The following VWF variants were observed in gnomAD, a reference collection of about 807,000 sequenced individuals.
The protein encoded by VWF is Factor VIII related antigen.
In VWF, 176 loss-of-function variants were observed where a neutral mutation model predicts 308.6. The observed-to-expected ratio is 0.57, with a 90% CI of 0.50 to 0.65. The LOEUF is 0.65. Among genes scored for constraint, VWF ranks in the 30% least tolerant of loss-of-function variants. The probability of loss-of-function intolerance (pLI) is 0.00; values close to 1 mark genes in which losing one functional copy is unlikely to be tolerated. For missense variants in VWF, 3,146 were observed against 3,648.2 expected (o/e 0.86, Z 3.55); for synonymous variants, 1,385 against 1,443.4 (o/e 0.96, Z 0.92).
chr12:5,974,618 G>A lies in VWF; in HGVS notation c.7437+1493C>T, dbSNP rs192771225. Reference sequence around the variant, plus strand: ...ACACAAAGACCAACTAAGTCAGACTGGACAGGGATGAACCACGGATCTGAA... The same window carrying A: ...ACACAAAGACCAACTAAGTCAGACTAGACAGGGATGAACCACGGATCTGAA... On this transcript the variant is annotated intron_variant, in intron 43 of 51. Coordinates refer to ENST00000261405, the MANE Select transcript of VWF (RefSeq NM_000552.5). 6.6e-5 allele frequency among the ~76,000 whole-genome samples: 10 copies of A among 152,296 alleles called. 1 individual carries two copies. Among genetic ancestry groups the A allele is most frequent in the Non-Finnish European group, 1.3e-4 (9 of 68,024 alleles).
In VWF at chr12:5,964,094, G is replaced by A. The variant is rs568612808; in HGVS notation, c.7887+3392C>T. 2.6e-5 allele frequency among the ~76,000 whole-genome samples: 4 copies of A among 152,098 alleles called. No homozygotes were observed. The East Asian group carries it at 7.8e-4, about 30-fold the overall frequency. ...TAGCTGGGCATGGCGGTGGGCGCCT[G>A]TAGTCCCAGCTACTCAGGAGGCTGA... On this transcript the variant is annotated intron_variant, in intron 47 of 51. Transcript: ENST00000261405.
intron 38 of VWF, among the ~76,000 whole-genome samples, chr12:5,990,994 C>T (rs1186326794): frequency 6.7e-6 from 1 of 149,518 alleles, no homozygotes; most frequent in African/African-American, 2.5e-5. Flanking sequence ...AGAGCCAGAT[C>T]TTTGGAGTCA....
In VWF at chr12:5,981,977, C is replaced by T. The variant is rs763471709; in HGVS notation, c.7096G>A (p.Glu2366Lys). ...PNFTCACRKE[E>K]CKRVSPPSCP... ...GAGGGTGGGGACACTCTTTTGCACT[C>T]CTCCTTCCTGCAGGCTGAGGGTAGG... The change falls in exon 42 of 52, where the codon GAG becomes AAG. Residue 2366 changes from glutamate (E) to lysine (K), a missense_variant. Coordinates refer to ENST00000261405, the MANE Select transcript of VWF (RefSeq NM_000552.5). The T allele has an allele frequency of 1.2e-6, 2 of 1,613,722 alleles. No homozygotes were observed. Among genetic ancestry groups the T allele is most frequent in the Non-Finnish European group, 1.7e-6 (2 of 1,179,986 alleles).
intron 13 of VWF, 56 bp downstream of exon 13, chr12:6,062,898 G>C (rs895024743): frequency 7.9e-5 from 113 of 1,427,384 alleles, no homozygotes; most frequent in Admixed American, 2.5e-4. Flanking sequence ...CAGAGCACAA[G>C]GGGTACTTTG....
At chr12:6,062,773 G>A (rs985551907) in intron 13 of VWF, among the ~76,000 whole-genome samples, 181 bp downstream of exon 13, 5 of 152,136 alleles carry the variant, frequency 3.3e-5, no homozygotes, top group Non-Finnish European at 7.4e-5. Context: ...GCCAAGAAGG[G>A]GCATCCAGAA....
chr12:6,044,401 C>A lies in VWF; in HGVS notation c.2332G>T (p.Ala778Ser), dbSNP rs146892641. 1 of 1,614,174 alleles carries A rather than the reference C, an allele frequency of 6.2e-7. No individual in the cohort carries two copies. The highest frequency in any genetic ancestry group is 1.1e-5 in the South Asian group (1 of 91,074). The stretch of plus-strand genomic sequence containing the variant: ...AGCCCTTCAGCCCGCAGGTTGTCAG[C>A]GGGACACACCAGCTTGACCATGGGG... The part of the protein sequence containing the change: ...RPPMVKLVCP[A>S]DNLRAEGLEC... The change falls in exon 18 of 52, where the codon GCT becomes TCT. Residue 778 changes from alanine (A) to serine (S), a missense_variant. By Grantham distance (99) the Ala-to-Ser change is moderately conservative. This residue lies in a region of VWF where 1,304 missense variants were observed against 1,353.0 expected (regional missense o/e 0.96). Coordinates refer to ENST00000261405, the MANE Select transcript of VWF (RefSeq NM_000552.5).
intron 5 of VWF, 134 bp downstream of exon 5, chr12:6,110,240 G>T: frequency 1.0e-6 from 1 of 954,736 alleles, no homozygotes; most frequent in Non-Finnish European, 1.7e-6. Flanking sequence ...AAAGAGATAA[G>T]GTTGGCAACA....
At chr12:6,005,835 A>AC (rs1316776073) in intron 34 of VWF, among the ~76,000 whole-genome samples, 1 of 152,224 alleles carries the variant, frequency 6.6e-6, no homozygotes, top group African/African-American at 2.4e-5. Context: ...GTTCATCACC[A>AC]CTATACCTGC....
chr12:6,025,597 G>C lies in VWF; in HGVS notation c.3205C>G (p.Gln1069Glu), dbSNP rs1944181092. ...SCRILTSDVFQDCNKLVDPEP... is the reference protein window; with the variant it reads ...SCRILTSDVFEDCNKLVDPEP... Reference sequence around the variant, plus strand: ...GTCCTCACCAGCTTGTTGCAGTCCTGGAAGACGTCACTGGTAAGGATTCTA... The same window carrying C: ...GTCCTCACCAGCTTGTTGCAGTCCTCGAAGACGTCACTGGTAAGGATTCTA... Residue 1069 changes from glutamine to glutamate, a missense_variant, in exon 24 of 52, where the codon CAG becomes GAG. Physicochemically the swap from Gln to Glu is conservative, Grantham distance 29. Transcript: ENST00000261405. 1 of 1,477,828 alleles carries C rather than the reference G, an allele frequency of 6.8e-7. No homozygotes were observed. The highest frequency in any genetic ancestry group is 1.1e-5 in the South Asian group (1 of 88,052). 91.5% of individuals were successfully genotyped at this position (1,477,828 alleles called of 1,614,324 possible). A position where few individuals can be genotyped will look rare whatever the true frequency, so the allele number is the denominator to read the frequency against.
Position 6,019,329 on chromosome 12 carries a change from G to A in VWF, c.4089C>T (p.Tyr1363=). 5 of 1,613,956 alleles carry A rather than the reference G, an allele frequency of 3.1e-6. No homozygotes were observed. Among genetic ancestry groups the A allele is most frequent in the Non-Finnish European group, 4.2e-6 (5 of 1,179,866 alleles). ...QVASTSEVLK[Y]TLFQIFSKID... ...TCTTGCTGAAGATTTGGAACAGTGT[G>A]TATTTCAAGACCTCGCTGGTGGAGG... The change falls in exon 28 of 52, where the codon TAC becomes TAT. Residue 1363 remains tyrosine, a synonymous_variant. Coordinates refer to ENST00000261405, the MANE Select transcript of VWF (RefSeq NM_000552.5). The surrounding 1 kb of genome is among the most constrained non-coding windows in gnomAD (Gnocchi z 5.8).
intron 6 of VWF, among the ~76,000 whole-genome samples, chr12:6,083,101 T>C (rs1288574125): frequency 6.6e-6 from 1 of 152,172 alleles, no homozygotes; most frequent in East Asian, 1.9e-4. Flanking sequence ...CCTCTGCCTC[T>C]CGCAACCCAT....
At chr12:5,970,263 G>C (rs921904626) in intron 44 of VWF, among the ~76,000 whole-genome samples, 2 of 151,994 alleles carry the variant, frequency 1.3e-5, no homozygotes, top group Non-Finnish European at 2.9e-5. Context: ...ACCACCCCCC[G>C]CTGACCCCTG....
chr12:6,053,256 C>T (rs1944539551), intron 15 of VWF, among the ~76,000 whole-genome samples: 1 of 152,174 alleles, frequency 6.6e-6, no homozygotes, highest in Admixed American at 6.5e-5. Flanking sequence ...TATGGAGCAC[C>T]TACTGAATGC....
rs778923778 is a variant in VWF, at chr12:6,013,593, T to C, written c.5508A>G (p.Leu1836=). Residue 1836 remains leucine (L), a synonymous_variant, in exon 32 of 52, where the codon CTA becomes CTG. Coordinates refer to ENST00000261405, the MANE Select transcript of VWF (RefSeq NM_000552.5). Reference sequence around the variant, plus strand: ...CGCCTGCTGGGCCTGCCAAGATCCGTAGCTGGGCTGCATCGTAGCGATCTC... The same window carrying C: ...CGCCTGCTGGGCCTGCCAAGATCCGCAGCTGGGCTGCATCGTAGCGATCTC... The part of the protein sequence containing the change: ...GIGDRYDAAQ[L]RILAGPAGDS... 1.2e-6 allele frequency: 2 copies of C among 1,613,928 alleles called. No homozygotes were observed. The highest frequency in any genetic ancestry group is 1.7e-6 in the Non-Finnish European group (2 of 1,179,930).
intron 42 of VWF, among the ~76,000 whole-genome samples, chr12:5,979,279 A>C (rs1943566371): frequency 6.6e-6 from 1 of 152,214 alleles, no homozygotes; most frequent in Admixed American, 6.5e-5. Context: ...CCAGTTAATA[A>C]ATGCAATCAG....
At chr12:6,072,933 C>A (rs1183288565) in intron 8 of VWF, among the ~76,000 whole-genome samples, 1 of 150,684 alleles carries the variant, frequency 6.6e-6, no homozygotes, top group African/African-American at 2.4e-5. Context: ...GTGGTGCGAT[C>A]TCGGTTCACT....
At position 5,994,512 on chromosome 12, in the gene VWF, A is replaced by G; in HGVS notation, c.6159T>C (p.Asn2053=). ...YGAIMHEVRF[N]HLGHIFTFTP... The stretch of plus-strand genomic sequence containing the variant: ...TGAATGTGAAGATGTGACCAAGGTG[A>G]TTGAATCTGACCTCATGCATGATGG... The change falls in exon 36 of 52, where the codon AAT becomes AAC. Residue 2053 remains asparagine (N), a synonymous_variant. Transcript: ENST00000261405. 6.2e-7 allele frequency: 1 copy of G among 1,614,080 alleles called. No homozygotes were observed.
chr12:6,001,827 T>C (rs542377453), intron 34 of VWF, among the ~76,000 whole-genome samples: 4 of 152,096 alleles, frequency 2.6e-5, no homozygotes, highest in African/African-American at 9.7e-5. Context: ...CAAAAACTGA[T>C]CATGTATTAG....
intron 28 of VWF, 91 bp downstream of exon 28, chr12:6,018,274 A>G (rs1944084465): frequency 5.4e-6 from 8 of 1,491,272 alleles, no homozygotes; most frequent in Non-Finnish European, 3.6e-6. Context: ...CAGGATTAGA[A>G]CCCGAGTCGT....
Sources: allele counts gnomAD v4.1 joint callset (sites outside exome capture counted in the v4.1 genomes callset), GRCh38; gene constraint gnomAD v4.1.1; regional missense constraint gnomAD v4.1.1; non-coding constraint Gnocchi (gnomAD v3.1); transcripts MANE v1.5; gene names NCBI Gene and HGNC (gene_info 2026-07-23, HGNC 2026-07-21).